The following TBC1D16 variants were observed in gnomAD, a reference collection of about 807,000 sequenced individuals.
The protein encoded by TBC1D16 is CTD-2529O21.1.
A neutral mutation model predicts 74.7 loss-of-function variants in TBC1D16; 58 were observed. The observed-to-expected ratio is 0.78, with a 90% CI of 0.63 to 0.97. The LOEUF (loss-of-function observed/expected upper bound fraction) is 0.97. TBC1D16 is among the 50% of genes least tolerant of loss of function. TBC1D16 has a pLI of 0.00. For missense variants in TBC1D16, 1,014 were observed against 1,079.5 expected (o/e 0.94, Z 0.85); for synonymous variants, 493 against 474.7 (o/e 1.04, Z -0.50).
intron 1 of TBC1D16, among the ~76,000 whole-genome samples, chr17:80,029,627 A>G (rs2036708239): frequency 6.6e-6 from 1 of 152,234 alleles, no homozygotes; most frequent in African/African-American, 2.4e-5. Context: ...CTCAATGTAG[A>G]AAGTGGCAAA....
intron 3 of TBC1D16, among the ~76,000 whole-genome samples, chr17:79,958,162 G>A (rs4889805): frequency 0.012 from 1,782 of 151,744 alleles, 81 homozygotes; most frequent in East Asian, 0.12. Context: ...TAAAGGATTT[G>A]GGGAAACAGA....
At chr17:80,014,397 A>G (rs966470203) in intron 1 of TBC1D16, among the ~76,000 whole-genome samples, 1 of 152,196 alleles carries the variant, frequency 6.6e-6, no homozygotes, top group Non-Finnish European at 1.5e-5. Context: ...CTAAAGGATT[A>G]GTATACAGAA....
Position 79,981,636 on chromosome 17 carries a change from G to T in TBC1D16, c.779+28524C>A, listed in dbSNP as rs372174954. On this transcript the variant is annotated intron_variant, in intron 3 of 11. Transcript: ENST00000310924. This position sits in a 1 kb window ranked among gnomAD's most constrained non-coding sequence, Gnocchi z 6.9. Reference sequence around the variant, plus strand: ...CCAGCAACACTTCGTTTTCCAAAGCGGGGAGGCCAAACCTCCAAAGCTGGG... The same window carrying T: ...CCAGCAACACTTCGTTTTCCAAAGCTGGGAGGCCAAACCTCCAAAGCTGGG... Among the ~76,000 whole-genome samples, 2 of 152,234 alleles carry T rather than the reference G, an allele frequency of 1.3e-5. No individual in the cohort carries two copies. The highest frequency in any genetic ancestry group is 2.9e-5 in the Non-Finnish European group (2 of 68,042).
intron 3 of TBC1D16, among the ~76,000 whole-genome samples, chr17:79,970,705 C>T (rs1484737009): frequency 6.6e-6 from 1 of 152,120 alleles, no homozygotes; most frequent in African/African-American, 2.4e-5. Flanking sequence ...TGGGCACGGC[C>T]ACTCTAGAGA....
chr17:79,998,393 T>C (rs913879321), intron 3 of TBC1D16, among the ~76,000 whole-genome samples: 3 of 151,470 alleles, frequency 2.0e-5, no homozygotes, highest in African/African-American at 7.3e-5. Context: ...AGTGGTGCAA[T>C]CTAAGCTCAC....
chr17:79,936,612 T>G lies in TBC1D16; in HGVS notation c.*4247A>C, dbSNP rs963265976. On this transcript the variant is annotated 3_prime_UTR_variant, in exon 12 of 12. Transcript: ENST00000310924. ...CTTCCACAGCACTGCCTCTCACCCTTCTCCCGACCAACCCCCAAGGGCATG... is the reference window on the plus strand; with the variant it reads ...CTTCCACAGCACTGCCTCTCACCCTGCTCCCGACCAACCCCCAAGGGCATG... 1 of 152,166 alleles carries G rather than the reference T, an allele frequency of 6.6e-6. No homozygotes were observed. Among genetic ancestry groups the G allele is most frequent in the Non-Finnish European group, 1.5e-5 (1 of 68,060 alleles). 9.4% of individuals were successfully genotyped at this position (152,166 alleles called of 1,614,324 possible).
chr17:79,964,604 C>T (rs117442201), intron 3 of TBC1D16, among the ~76,000 whole-genome samples: 1,944 of 152,176 alleles, frequency 0.013, 45 homozygotes, highest in Admixed American at 0.049. Context: ...TATATTATGT[C>T]CAAACTGATC....
rs1380568830 is a variant in TBC1D16, at chr17:80,013,740, G to C, written c.-62-131C>G. Reference sequence around the variant, plus strand: ...GCGTGTCCTGCTGGTGAACAGCTCTGTACAGGGTAGGCCACGTTCTCCATC... The same window carrying C: ...GCGTGTCCTGCTGGTGAACAGCTCTCTACAGGGTAGGCCACGTTCTCCATC... On this transcript the variant is annotated intron_variant, in intron 1 of 11. Coordinates refer to ENST00000310924, the MANE Select transcript of TBC1D16 (RefSeq NM_019020.4). 14 of 542,532 alleles carry C rather than the reference G, an allele frequency of 2.6e-5. No homozygotes were observed. In the Admixed American group the frequency reaches 5.2e-4, roughly 20 times the overall value. The allele number at this position is 542,532 out of a possible 1,614,324, so 33.6% of individuals were successfully genotyped here. A position where few individuals can be genotyped will look rare whatever the true frequency, so the allele number is the denominator to read the frequency against.
chr17:79,933,984 G>A lies in TBC1D16; in HGVS notation c.*6875C>T, dbSNP rs1264766209. On this transcript the variant is annotated 3_prime_UTR_variant, in exon 12 of 12. Coordinates refer to ENST00000310924, the MANE Select transcript of TBC1D16 (RefSeq NM_019020.4). ...CTCTGGAGCCTGTGCGGCTGGTTGA[G>A]TGTAAACGCTGAGTCATGCTCGCTG... The A allele has an allele frequency of 6.6e-6, 1 of 152,300 alleles. No individual in the cohort carries two copies. Among genetic ancestry groups the A allele is most frequent in the African/African-American group, 2.4e-5 (1 of 41,468 alleles). 9.4% of individuals were successfully genotyped at this position (152,300 alleles called of 1,614,324 possible).
chr17:80,033,808 T>C (rs1483205462), intron 1 of TBC1D16, among the ~76,000 whole-genome samples: 1 of 152,228 alleles, frequency 6.6e-6, no homozygotes, highest in Non-Finnish European at 1.5e-5. Flanking sequence ...TGGGGGATGC[T>C]TTCCATACTG....
At chr17:79,947,498 C>T (rs1036960831) in intron 9 of TBC1D16, 147 bp downstream of exon 9, 10 of 859,622 alleles carry the variant, frequency 1.2e-5, no homozygotes, top group Non-Finnish European at 1.3e-5. Context: ...CGCCCATATC[C>T]CACGGGCAAG....
intron 10 of TBC1D16, among the ~76,000 whole-genome samples, chr17:79,942,764 G>T (rs1212687509): frequency 6.6e-6 from 1 of 152,220 alleles, no homozygotes; most frequent in Non-Finnish European, 1.5e-5. Context: ...GGCTAGAAAA[G>T]TGGGAAGATC....
intron 3 of TBC1D16, among the ~76,000 whole-genome samples, chr17:79,970,174 C>T (rs889637282): frequency 7.2e-5 from 11 of 152,138 alleles, no homozygotes; most frequent in Non-Finnish European, 1.3e-4. Context: ...CGAAAGAAGC[C>T]AGTCACAAAA....
At position 79,984,613 on chromosome 17, in the gene TBC1D16, G is replaced by GAAGGA. The variant is rs2034744538; in HGVS notation, c.779+25546_779+25547insTCCTT. On this transcript the variant is annotated intron_variant, in intron 3 of 11. Transcript: ENST00000310924. ...AAGAAAGAGAAAGAAAAGAGGGAGG[G>GAAGGA]AGGGAGTGAAGGAAGGAAGGAAGGA... 5.3e-5 allele frequency among the ~76,000 whole-genome samples: 6 copies of GAAGGA among 114,190 alleles called. 1 individual carries two copies. Among genetic ancestry groups the GAAGGA allele is most frequent in the Non-Finnish European group, 9.2e-5 (5 of 54,316 alleles). 74.9% of individuals were successfully genotyped at this position (114,190 alleles called of 152,430 possible).
At position 80,007,868 on chromosome 17, in the gene TBC1D16, G is replaced by C. The variant is rs557665103; in HGVS notation, c.779+2292C>G. On this transcript the variant is annotated intron_variant, in intron 3 of 11. Coordinates refer to ENST00000310924, the MANE Select transcript of TBC1D16 (RefSeq NM_019020.4). This position sits in a 1 kb window ranked among gnomAD's most constrained non-coding sequence, Gnocchi z 4.5. ...CAGGGCCAGATGGTGATGGGCCTTG[G>C]ACCCCGAGTGAAGGAGATGGTGCTT... is the stretch of plus-strand genomic sequence containing the variant. Among the ~76,000 whole-genome samples, 5 of 152,248 alleles carry C rather than the reference G, an allele frequency of 3.3e-5. No homozygotes were observed. The highest frequency in any genetic ancestry group is 9.6e-5 in the African/African-American group (4 of 41,560).
chr17:80,011,910 C>A lies in TBC1D16; in HGVS notation c.182-1153G>T, dbSNP rs145752839. Among the ~76,000 whole-genome samples the A allele has an allele frequency of 3.8e-4, 58 of 151,874 alleles. No individual in the cohort carries two copies. The East Asian group carries it at 0.011, about 29-fold the overall frequency. ...TGGCACTCATGGCATTTTTTTAATG[C>A]AGATTGTTTGAGGAAGGGGCCACCT... On this transcript the variant is annotated intron_variant, in intron 2 of 11. Coordinates refer to ENST00000310924, the MANE Select transcript of TBC1D16 (RefSeq NM_019020.4).
rs367574438 is a variant in TBC1D16 at position 79,950,402 on chromosome 17, G to C, written c.1257+9C>G. 6.2e-7 allele frequency: 1 copy of C among 1,602,036 alleles called. No individual in the cohort carries two copies. The highest frequency in any genetic ancestry group is 1.3e-5 in the African/African-American group (1 of 74,670). On this transcript the variant is annotated intron_variant, in intron 6 of 11. Coordinates refer to ENST00000310924, the MANE Select transcript of TBC1D16 (RefSeq NM_019020.4). This position sits in a 1 kb window ranked among gnomAD's most constrained non-coding sequence, Gnocchi z 4.6. ...TCCGCGGGGCCAGCTGGGCGGACCCGGACCTCACCTTCCGCAGCTTGTACT... is the reference window on the plus strand; with the variant it reads ...TCCGCGGGGCCAGCTGGGCGGACCCCGACCTCACCTTCCGCAGCTTGTACT...
rs574827199 is a variant in TBC1D16, at chr17:80,029,745, G to A, written c.-63+6050C>T. ...CATTCCACGCGTATGAGCTTCCTAC[G>A]GCTGCTGTGACAAATGACACAAACT... On this transcript the variant is annotated intron_variant, in intron 1 of 11. Transcript: ENST00000310924. Among the ~76,000 whole-genome samples the A allele has an allele frequency of 2.9e-4, 44 of 152,220 alleles. No homozygotes were observed. The South Asian group carries it at 8.1e-3, about 28-fold the overall frequency.
rs1568557026 is a variant in TBC1D16, at chr17:79,936,891, CGT to C, written c.*3966_*3967del. The C allele has an allele frequency of 1.5e-5, 2 of 133,406 alleles. No individual in the cohort carries two copies. Among genetic ancestry groups the C allele is most frequent in the East Asian group, 4.5e-4 (2 of 4,396 alleles). 8.3% of individuals were successfully genotyped at this position (133,406 alleles called of 1,614,324 possible). A position where few individuals can be genotyped will look rare whatever the true frequency, so the allele number is the denominator to read the frequency against. ...ACATATGTGTGTGTGTGTGTGCATGCGTGCGTGTGTGCATGTGCGTGTGTGTG... is the reference window on the plus strand; with the variant it reads ...ACATATGTGTGTGTGTGTGTGCATGCGCGTGTGTGCATGTGCGTGTGTGTG... On this transcript the variant is annotated 3_prime_UTR_variant, in exon 12 of 12. Transcript: ENST00000310924.
Sources: allele counts gnomAD v4.1 joint callset (sites outside exome capture counted in the v4.1 genomes callset), GRCh38; gene constraint gnomAD v4.1.1; non-coding constraint Gnocchi (gnomAD v3.1); transcripts MANE v1.5; gene names NCBI Gene and HGNC (gene_info 2026-07-23, HGNC 2026-07-21).